SFSWAP: variants seen among roughly 807,000 people sequenced by gnomAD.
SFSWAP encodes the protein splicing factor SWAP.
A neutral mutation model predicts 100.7 loss-of-function variants in SFSWAP; 17 were observed. The ratio of observed to expected loss-of-function variants is 0.17; its 90% CI spans 0.12 to 0.25. The LOEUF is 0.25. Among genes scored for constraint, SFSWAP ranks in the 10% least tolerant of loss-of-function variants. The probability of loss-of-function intolerance (pLI) is 1.00; values close to 1 mark genes in which losing one functional copy is unlikely to be tolerated. For synonymous variants in SFSWAP, 504 were observed against 510.1 expected, an observed-to-expected ratio of 0.99 and a Z score of 0.16; for missense variants, 1,005 against 1,262.6, an observed-to-expected ratio of 0.80 and a Z score of 3.09.
At position 131,786,475 on chromosome 12, in the gene SFSWAP, G is replaced by C; in HGVS notation, c.2421G>C (p.Arg807=). ...RTVRRSRSRS[R]SPRRRAHSPE... is the part of the protein sequence containing the mutation. ...CTCCCCTGTCCAGGTCCCGCTCCCG[G>C]TCCCCTCGGAGGAGAGCCCACTCCC... Residue 807 remains arginine (R), a synonymous_variant, in exon 15 of 18, where the codon CGG becomes CGC. Transcript: ENST00000261674. The C allele has an allele frequency of 4.4e-6, 7 of 1,587,544 alleles. No homozygotes were observed. The highest frequency in any genetic ancestry group is 2.3e-5 in the East Asian group (1 of 43,812).
intron 7 of SFSWAP, among the ~76,000 whole-genome samples, chr12:131,744,882 CAA>C (rs1019852313): frequency 2.0e-5 from 3 of 152,114 alleles, no homozygotes; most frequent in African/African-American, 7.2e-5. Context: ...TGGCAGCAGG[CAA>C]AGAGAGGCTG....
chr12:131,773,636 A>C (rs1429317248), intron 13 of SFSWAP, among the ~76,000 whole-genome samples: 1 of 152,174 alleles, frequency 6.6e-6, no homozygotes, highest in African/African-American at 2.4e-5. Context: ...GAGCCACTGC[A>C]CCCAGCCCAC....
At chr12:131,781,204 ATTAC>A (rs1361889919) in intron 14 of SFSWAP, among the ~76,000 whole-genome samples, 2 of 148,618 alleles carry the variant, frequency 1.3e-5, no homozygotes, top group African/African-American at 5.0e-5. Context: ...TTAGTTACAT[ATTAC>A]TTCACATATG....
intron 15 of SFSWAP, among the ~76,000 whole-genome samples, chr12:131,788,729 C>G (rs996964464): frequency 3.3e-5 from 5 of 151,994 alleles, no homozygotes; most frequent in African/African-American, 1.2e-4. Flanking sequence ...GATCAACCTG[C>G]CTCAACCTCC....
At chr12:131,798,257 C>T (rs1428111727) in intron 16 of SFSWAP, among the ~76,000 whole-genome samples, 2 of 151,980 alleles carry the variant, frequency 1.3e-5, no homozygotes, top group Non-Finnish European at 2.9e-5. Context: ...TGAGCCATGA[C>T]GGCACCACTG....
chr12:131,727,077 A>G (rs1238781257), intron 6 of SFSWAP, 25 bp downstream of exon 6: 7 of 1,340,742 alleles, frequency 5.2e-6, no homozygotes, highest in African/African-American at 1.4e-5. Flanking sequence ...GTTGAACTAT[A>G]TTTTTATGCC....
intron 11 of SFSWAP, among the ~76,000 whole-genome samples, chr12:131,760,902 T>C (rs971893921): frequency 6.6e-6 from 1 of 152,126 alleles, no homozygotes; most frequent in South Asian, 2.1e-4. Flanking sequence ...TGAAACCCTG[T>C]CTCTACTAAA....
intron 10 of SFSWAP, 35 bp from the exon 11 acceptor site, chr12:131,756,437 TC>T (rs1882166336): frequency 6.3e-7 from 1 of 1,596,688 alleles, no homozygotes; most frequent in African/African-American, 1.3e-5. Context: ...CTGTATAATT[TC>T]CTGCTGACAG....
chr12:131,769,594 T>G (rs1883413669), intron 13 of SFSWAP, among the ~76,000 whole-genome samples: 1 of 152,146 alleles, frequency 6.6e-6, no homozygotes, highest in Non-Finnish European at 1.5e-5. Flanking sequence ...CTTAGGTCTG[T>G]GTCCTATTTA....
intron 7 of SFSWAP, among the ~76,000 whole-genome samples, chr12:131,746,872 A>G (rs933414683): frequency 6.6e-6 from 1 of 152,146 alleles, no homozygotes; most frequent in South Asian, 2.1e-4. Context: ...TGGGAGGCCA[A>G]GGCGGGCAGA....
chr12:131,789,630 C>T (rs1885115429), intron 15 of SFSWAP, among the ~76,000 whole-genome samples: 1 of 152,136 alleles, frequency 6.6e-6, no homozygotes, highest in African/African-American at 2.4e-5. Flanking sequence ...TCTCTCACCC[C>T]TTCCCATCCC....
intron 13 of SFSWAP, among the ~76,000 whole-genome samples, chr12:131,772,364 A>G (rs1247221945): frequency 6.6e-6 from 1 of 152,216 alleles, no homozygotes; most frequent in African/African-American, 2.4e-5. Flanking sequence ...AAGTGTGCCT[A>G]TTGGCATGGA....
chr12:131,743,350 A>G (rs974682880), intron 7 of SFSWAP, among the ~76,000 whole-genome samples: 8 of 152,254 alleles, frequency 5.3e-5, no homozygotes, highest in Non-Finnish European at 1.0e-4. Context: ...GTTGTTTTCT[A>G]AATATAATGG....
chr12:131,788,980 T>C (rs1319967490), intron 15 of SFSWAP, among the ~76,000 whole-genome samples: 2 of 151,866 alleles, frequency 1.3e-5, no homozygotes, highest in African/African-American at 2.4e-5. Context: ...TTTTTCTTTT[T>C]CTTTTTTATT....
In SFSWAP at chr12:131,797,365, C is replaced by T. The variant is rs772949938; in HGVS notation, c.2717+5C>T. 6.3e-7 allele frequency: 1 copy of T among 1,599,668 alleles called. No individual in the cohort carries two copies. Among genetic ancestry groups the T allele is most frequent in the Non-Finnish European group, 8.5e-7 (1 of 1,172,764 alleles). ...CTCCAGCCAGGAGCGCTCCAGGTAA[C>T]CCCTGTCCTCCAGCAGCTCTCTCTG... On this transcript the variant is annotated splice_donor_5th_base_variant and intron_variant, in intron 16 of 17. Transcript: ENST00000261674.
chr12:131,719,600 TTG>T (rs1878277523), intron 4 of SFSWAP, 61 bp downstream of exon 4: 1 of 1,321,340 alleles, frequency 7.6e-7, no homozygotes, highest in Non-Finnish European at 1.1e-6. Context: ...TCACTCCTGC[TTG>T]TGGGAAAGCT....
At chr12:131,712,164 A>C (rs997813495) in intron 1 of SFSWAP, 1 of 152,180 alleles carries the variant, frequency 6.6e-6, no homozygotes. Flanking sequence ...ACTGTCTCTT[A>C]AGACTGAAGG....
intron 3 of SFSWAP, among the ~76,000 whole-genome samples, chr12:131,717,169 C>T (rs961534172): frequency 3.9e-5 from 6 of 152,136 alleles, no homozygotes; most frequent in Non-Finnish European, 5.9e-5. Flanking sequence ...CATTGAGCGT[C>T]ACATTCTGTT....
rs1448104802 is a variant in SFSWAP, at chr12:131,714,408, TA to T, written c.388+169del. The T allele has an allele frequency of 1.7e-6, 1 of 605,632 alleles. No individual in the cohort carries two copies. Among genetic ancestry groups the T allele is most frequent in the African/African-American group, 1.8e-5 (1 of 54,140 alleles). 37.5% of individuals were successfully genotyped at this position (605,632 alleles called of 1,614,324 possible). A position where few individuals can be genotyped will look rare whatever the true frequency, so the allele number is the denominator to read the frequency against. ...TTTGCGTTCTGAGAGGACCTCAGGATAGTTTATATATAGAGCCACAAAGAAT... is the reference window on the plus strand; with the variant it reads ...TTTGCGTTCTGAGAGGACCTCAGGATGTTTATATATAGAGCCACAAAGAAT... On this transcript the variant is annotated intron_variant, in intron 2 of 17. Transcript: ENST00000261674. The surrounding 1 kb of genome is among the most constrained non-coding windows in gnomAD (Gnocchi z 6.0).
Sources: allele counts gnomAD v4.1 joint callset (sites outside exome capture counted in the v4.1 genomes callset), GRCh38; gene constraint gnomAD v4.1.1; non-coding constraint Gnocchi (gnomAD v3.1); transcripts MANE v1.5; gene names NCBI Gene and HGNC (gene_info 2026-07-23, HGNC 2026-07-21).